ZNF398: variants seen among roughly 807,000 people sequenced by gnomAD.
ZNF398 encodes zinc finger protein 398, also known as zinc finger DNA binding protein ZER6.
ZNF398 carries 18 observed loss-of-function variants against 41.9 expected under a neutral mutation model. The observed-to-expected ratio is 0.43, with a 90% CI of 0.30 to 0.64. The LOEUF is 0.64. Among genes scored for constraint, ZNF398 ranks in the 30% least tolerant of loss-of-function variants. ZNF398 has a pLI of 0.14. For synonymous variants in ZNF398, 260 were observed against 308.8 expected (o/e 0.84, Z 1.66); for missense variants, 669 against 822.8 (o/e 0.81, Z 2.29).
rs1032784859 is a variant in ZNF398, at chr7:149,182,110, GAA to G, written c.*2311_*2312del. 1.3e-5 allele frequency: 2 copies of G among 152,184 alleles called. No homozygotes were observed. Among genetic ancestry groups the G allele is most frequent in the African/African-American group, 4.8e-5 (2 of 41,438 alleles). The allele number at this position is 152,184 out of a possible 1,614,324, so 9.4% of individuals were successfully genotyped here. A position where few individuals can be genotyped will look rare whatever the true frequency, so the allele number is the denominator to read the frequency against. ...TTTGCCAAGAACACAGCTTATTAGTGAAAGAGACCTGTGGATTGAAATGGCTG... is the reference window on the plus strand; with the variant it reads ...TTTGCCAAGAACACAGCTTATTAGTGAGAGACCTGTGGATTGAAATGGCTG... On this transcript the variant is annotated 3_prime_UTR_variant, in exon 6 of 6. Coordinates refer to ENST00000475153, the MANE Select transcript of ZNF398 (RefSeq NM_170686.3).
In ZNF398 at chr7:149,153,925, C is replaced by T. The variant is rs1287213443; in HGVS notation, c.25-20C>T. 1.1e-5 allele frequency: 17 copies of T among 1,590,650 alleles called. No individual in the cohort carries two copies. The highest frequency in any genetic ancestry group is 1.5e-5 in the Non-Finnish European group (17 of 1,168,762). On this transcript the variant is annotated intron_variant, in intron 1 of 5. Transcript: ENST00000475153. ...CCTTCTAACACTCAATGTCTTGTTC[C>T]ATCTTTCCACTGCATGCAGACATCT... is the stretch of plus-strand genomic sequence containing the variant.
chr7:149,154,153 T>G lies in ZNF398; in HGVS notation c.233T>G (p.Leu78Arg). 1.2e-6 allele frequency: 2 copies of G among 1,614,118 alleles called. No homozygotes were observed. Among genetic ancestry groups the G allele is most frequent in the Non-Finnish European group, 1.7e-6 (2 of 1,180,024 alleles). ...CGGACAGGGACAGCAGAGAAGAAAC[T>G]AGCCAGCTGTGAAAAGACAGTTACC... ...EGRTGTAEKKLASCEKTVTEL... is the reference protein window; with the variant it reads ...EGRTGTAEKKRASCEKTVTEL... Residue 78 changes from leucine to arginine, a missense_variant, in exon 2 of 6, where the codon CTA becomes CGA. Around this residue, in one of 3 missense-constraint regions of ZNF398, gnomAD observed 169 missense variants for 239.5 expected, o/e 0.71. Transcript: ENST00000475153.
In ZNF398 at chr7:149,180,472, A is replaced by G. The variant is rs931038347; in HGVS notation, c.*671A>G. On this transcript the variant is annotated 3_prime_UTR_variant, in exon 6 of 6. Coordinates refer to ENST00000475153, the MANE Select transcript of ZNF398 (RefSeq NM_170686.3). ...ATCTGACTTTAAAAGATTATTAAGG[A>G]GAATATTCCTTAACTATACTGGCTT... 2 of 152,242 alleles carry G rather than the reference A, an allele frequency of 1.3e-5. No homozygotes were observed. Among genetic ancestry groups the G allele is most frequent in the Admixed American group, 1.3e-4 (2 of 15,278 alleles). 9.4% of individuals were successfully genotyped at this position (152,242 alleles called of 1,614,324 possible). A position where few individuals can be genotyped will look rare whatever the true frequency, so the allele number is the denominator to read the frequency against.
intron 2 of ZNF398, among the ~76,000 whole-genome samples, chr7:149,136,660 T>G (rs1342782523): frequency 6.6e-6 from 1 of 152,026 alleles, no homozygotes; most frequent in Non-Finnish European, 1.5e-5. Flanking sequence ...CTCTGCCTCC[T>G]GGGTTCAAGG....
Position 149,131,839 on chromosome 7 carries a change from T to C in ZNF398, c.-490+2895T>C, listed in dbSNP as rs542984128. Among the ~76,000 whole-genome samples, 5 of 151,490 alleles carry C rather than the reference T, an allele frequency of 3.3e-5. No individual in the cohort carries two copies. The South Asian group carries it at 1.0e-3, about 31-fold the overall frequency. ...GCGGGGAGGGTTTCCTGTTTTAGCT[T>C]AGTCTATTATCCTAGTGGAAAATTC... On this transcript the variant is annotated intron_variant, in intron 2 of 6. Coordinates refer to the ZNF398 transcript ENST00000426851.
intron 2 of ZNF398, among the ~76,000 whole-genome samples, chr7:149,140,705 G>T (rs527829844): frequency 2.0e-5 from 3 of 151,640 alleles, no homozygotes; most frequent in Non-Finnish European, 4.4e-5. Context: ...CTTTAGAAAC[G>T]AATGTTTAAC....
intron 4 of ZNF398, among the ~76,000 whole-genome samples, chr7:149,167,214 G>T (rs1321927044): frequency 1.3e-5 from 2 of 152,198 alleles, no homozygotes; most frequent in Admixed American, 1.3e-4. Context: ...ACATGATGAA[G>T]GAGGCAGTCA....
At chr7:149,160,847 C>T (rs1442562280) in intron 2 of ZNF398, among the ~76,000 whole-genome samples, 1 of 152,046 alleles carries the variant, frequency 6.6e-6, no homozygotes, top group African/African-American at 2.4e-5. Flanking sequence ...CTTATTTTTC[C>T]TGTATCCTTT....
At chr7:149,149,137 A>T (rs977640101) in intron 1 of ZNF398, among the ~76,000 whole-genome samples, 7 of 152,104 alleles carry the variant, frequency 4.6e-5, no homozygotes, top group East Asian at 1.9e-4. Context: ...AATAAAAAAA[A>T]TTTTTGAGAA....
intron 1 of ZNF398, among the ~76,000 whole-genome samples, chr7:149,150,405 C>T (rs1352181743): frequency 6.6e-6 from 1 of 152,146 alleles, no homozygotes; most frequent in African/African-American, 2.4e-5. Flanking sequence ...TTGAGACCAG[C>T]CTAGGCAATA....
intron 2 of ZNF398, among the ~76,000 whole-genome samples, chr7:149,134,008 C>T (rs1826661118): frequency 6.6e-6 from 1 of 150,948 alleles, no homozygotes; most frequent in Admixed American, 6.6e-5. Context: ...GCCTTGGCTT[C>T]CCAAAGTGCT....
intron 2 of ZNF398, among the ~76,000 whole-genome samples, chr7:149,155,187 C>T (rs776763214): frequency 1.2e-4 from 18 of 151,748 alleles, no homozygotes; most frequent in Non-Finnish European, 1.6e-4. Flanking sequence ...TTTGGGAGGC[C>T]GAGAAAGGCA....
intron 2 of ZNF398, among the ~76,000 whole-genome samples, chr7:149,159,376 G>A (rs1724310): frequency 0.73 from 111,103 of 151,856 alleles, 41,876 homozygotes; most frequent in East Asian, 0.9. Context: ...GGCTGGGCGC[G>A]GTGGCTCACG....
At chr7:149,176,729 C>T (rs897574024) in intron 5 of ZNF398, 148 bp downstream of exon 5, 1 of 540,974 alleles carries the variant, frequency 1.8e-6, no homozygotes, top group Non-Finnish European at 3.3e-6. Context: ...TGAATGAAAC[C>T]AAACAGTCAC....
intron 2 of ZNF398, among the ~76,000 whole-genome samples, chr7:149,134,757 G>C (rs1468715120): frequency 1.3e-5 from 2 of 152,074 alleles, no homozygotes; most frequent in African/African-American, 4.8e-5. Context: ...TTTGGACAGA[G>C]TCTGGCTCTG....
At chr7:149,164,522 A>C (rs1485899883) in intron 2 of ZNF398, among the ~76,000 whole-genome samples, 1 of 152,214 alleles carries the variant, frequency 6.6e-6, no homozygotes, top group East Asian at 1.9e-4. Context: ...TAGAGGCAGC[A>C]AGAGTGAGCT....
intron 1 of ZNF398, among the ~76,000 whole-genome samples, chr7:149,152,583 T>C (rs1396102626): frequency 1.3e-5 from 2 of 149,438 alleles, no homozygotes; most frequent in African/African-American, 4.9e-5. Flanking sequence ...TTTTTTTTTC[T>C]GAGACGGAGT....
intron 1 of ZNF398, among the ~76,000 whole-genome samples, chr7:149,151,829 T>TCGCCC (rs1827123044): frequency 6.6e-6 from 1 of 151,224 alleles, no homozygotes; most frequent in Non-Finnish European, 1.5e-5. Context: ...TTCTGTCGCG[T>TCGCCC]AGGCTGGAGT....
intron 2 of ZNF398, among the ~76,000 whole-genome samples, chr7:149,157,745 G>A (rs985896916): frequency 6.6e-6 from 1 of 151,576 alleles, no homozygotes; most frequent in African/African-American, 2.4e-5. Context: ...GGCTGAGACA[G>A]GAGAATTGCT....
Sources: gnomAD v4.1 joint callset for allele counts (sites outside exome capture counted in the v4.1 genomes callset) on GRCh38, gnomAD v4.1.1 for gene constraint, gnomAD v4.1.1 regional missense constraint, MANE v1.5 for transcripts, NCBI Gene and HGNC (gene_info 2026-07-23, HGNC 2026-07-21) for gene names.